Variants in B4GALT6 observed in about 807,000 individuals in gnomAD.
B4GALT6 encodes UDP-Gal:beta-GlcNAc beta-1,4-galactosyltransferase 6.
A neutral mutation model predicts 46.3 loss-of-function variants in B4GALT6; 14 were observed. The observed-to-expected ratio is 0.30, with a 90% CI of 0.20 to 0.47. The LOEUF (loss-of-function observed/expected upper bound fraction) is 0.47. Among genes scored for constraint, B4GALT6 ranks in the 20% least tolerant of loss-of-function variants. The pLI is 0.99. For missense variants in B4GALT6, 386 were observed against 480.1 expected (o/e 0.80, Z 1.83); for synonymous variants, 168 against 162.0 (o/e 1.04, Z -0.28).
intron 1 of B4GALT6, among the ~76,000 whole-genome samples, chr18:31,679,077 G>A (rs2144739823): frequency 6.6e-6 from 1 of 152,322 alleles, no homozygotes; most frequent in African/African-American, 2.4e-5. Flanking sequence ...AAACCTAGGT[G>A]AGAAGTTTCT....
chr18:31,690,540 G>A (rs891622894), upstream of B4GALT6, among the ~76,000 whole-genome samples: 1 of 151,686 alleles, frequency 6.6e-6, no homozygotes, highest in Non-Finnish European at 1.5e-5. Context: ...CACTATCTTG[G>A]CTCACTCTAA....
At chr18:31,652,296 T>C (rs754607739) in intron 3 of B4GALT6, among the ~76,000 whole-genome samples, 1 of 152,214 alleles carries the variant, frequency 6.6e-6, no homozygotes, top group African/African-American at 2.4e-5. Flanking sequence ...TCGTGCTTGC[T>C]GTGTTCTCCA....
chr18:31,684,216 T>G, intron 1 of B4GALT6, 96 bp downstream of exon 1: 1 of 1,574,496 alleles, frequency 6.4e-7, no homozygotes, highest in Non-Finnish European at 8.6e-7. Flanking sequence ...CGGGCCCCTG[T>G]TTGAACAGCT....
At chr18:31,713,268 C>T in the B4GALT6 span, among the ~76,000 whole-genome samples, 1 of 152,164 alleles carries the variant, frequency 6.6e-6, no homozygotes, top group Non-Finnish European at 1.5e-5. Flanking sequence ...GGGAGGATGG[C>T]TTGAGAACAG....
In B4GALT6 at chr18:31,625,265, T is replaced by C. The variant is rs1480660558; in HGVS notation, c.*349A>G. ...TAAACAATTTGCACACATTAATTTA[T>C]ATCACATATATACAAAATATGTTTA... On this transcript the variant is annotated 3_prime_UTR_variant, in exon 9 of 9. Transcript: ENST00000306851. 1 of 191,380 alleles carries C rather than the reference T, an allele frequency of 5.2e-6. No homozygotes were observed. Among genetic ancestry groups the C allele is most frequent in the Non-Finnish European group, 1.1e-5 (1 of 94,688 alleles). 11.9% of individuals were successfully genotyped at this position (191,380 alleles called of 1,614,324 possible).
chr18:31,647,700 GAACA>G (rs1184377830), intron 3 of B4GALT6, among the ~76,000 whole-genome samples: 4 of 152,182 alleles, frequency 2.6e-5, no homozygotes, highest in Non-Finnish European at 5.9e-5. Context: ...GAGAGAGGAA[GAACA>G]AACATTCATC....
chr18:31,674,269 G>A (rs1251937913), intron 1 of B4GALT6, among the ~76,000 whole-genome samples: 4 of 152,108 alleles, frequency 2.6e-5, no homozygotes, highest in Non-Finnish European at 4.4e-5. Flanking sequence ...AGCACAAGCC[G>A]GAGTGACTCT....
intron 6 of B4GALT6, among the ~76,000 whole-genome samples, chr18:31,628,397 A>C (rs931969406): frequency 1.3e-5 from 2 of 152,336 alleles, no homozygotes; most frequent in Admixed American, 6.5e-5. Context: ...AGATAGGGAA[A>C]CATGAATAAA....
rs1176444088 is a variant in B4GALT6 at position 31,625,634 on chromosome 18, C to T, written c.1129G>A (p.Ala377Thr). Residue 377 changes from alanine (A) to threonine (T), a missense_variant, in exon 9 of 9, where the codon GCT (alanine) becomes ACT (threonine). Physicochemically the swap from Ala to Thr is moderately conservative, Grantham distance 58 (BLOSUM62 0). This residue lies in a region of B4GALT6 where 323 missense variants were observed against 438.9 expected (regional missense o/e 0.74). Coordinates refer to ENST00000306851, the MANE Select transcript of B4GALT6 (RefSeq NM_004775.5). ...NISVNLMPEL[A>T]PIEDY ...TTCTTTTAATAGTCTTCGATTGGAG[C>T]TAACTCTGGCATGAGGTTTACAGAT... 1 of 1,613,266 alleles carries T rather than the reference C, an allele frequency of 6.2e-7. No individual in the cohort carries two copies. Among genetic ancestry groups the T allele is most frequent in the South Asian group, 1.1e-5 (1 of 90,892 alleles).
At position 31,673,628 on chromosome 18, in the gene B4GALT6, T is replaced by C. The variant is rs556474752; in HGVS notation, c.116-7256A>G. 3.3e-5 allele frequency among the ~76,000 whole-genome samples: 5 copies of C among 152,336 alleles called. No individual in the cohort carries two copies. The East Asian group carries it at 9.6e-4, about 29-fold the overall frequency. On this transcript the variant is annotated intron_variant, in intron 1 of 8. Transcript: ENST00000306851. ...ACTAACATTTACTAAGTGCTGAGTTTGGTCAGGCACTGAGCTGAAGTCCAC... is the reference window on the plus strand; with the variant it reads ...ACTAACATTTACTAAGTGCTGAGTTCGGTCAGGCACTGAGCTGAAGTCCAC...
chr18:31,663,314 A>T (rs1276587801), intron 2 of B4GALT6, among the ~76,000 whole-genome samples: 2 of 152,186 alleles, frequency 1.3e-5, no homozygotes, highest in Non-Finnish European at 2.9e-5. Context: ...GGGGGCCTCA[A>T]TTCATGTACC....
chr18:31,696,904 C>G, the B4GALT6 span, among the ~76,000 whole-genome samples: 1 of 152,136 alleles, frequency 6.6e-6, no homozygotes, highest in Non-Finnish European at 1.5e-5. Context: ...AGTCCAAGCT[C>G]GTACCACTCA....
At chr18:31,706,485 G>T in the B4GALT6 span, among the ~76,000 whole-genome samples, 23 of 152,074 alleles carry the variant, frequency 1.5e-4, no homozygotes, top group African/African-American at 4.8e-4. Flanking sequence ...ACAAAAATTA[G>T]CTGGGCGTGG....
the B4GALT6 span, chr18:31,724,233 C>A: frequency 9.6e-3 from 3,267 of 339,880 alleles, 88 homozygotes; most frequent in African/African-American, 0.066. Context: ...CCTAATGGCT[C>A]CTGCTCAGTG....
chr18:31,713,610 T>C, the B4GALT6 span, among the ~76,000 whole-genome samples: 1 of 152,258 alleles, frequency 6.6e-6, no homozygotes, highest in Non-Finnish European at 1.5e-5. Flanking sequence ...GTACTTGGCC[T>C]TTTTTTAGTT....
At chr18:31,693,215 A>G in the B4GALT6 span, among the ~76,000 whole-genome samples, 1 of 152,192 alleles carries the variant, frequency 6.6e-6, no homozygotes, top group Admixed American at 6.5e-5. Flanking sequence ...AGGCTGAGGC[A>G]GAGAACACGA....
intron 6 of B4GALT6, among the ~76,000 whole-genome samples, chr18:31,628,757 G>A (rs1004237120): frequency 2.0e-5 from 3 of 152,158 alleles, no homozygotes; most frequent in Non-Finnish European, 4.4e-5. Flanking sequence ...CATTCTCCTA[G>A]AGCTACATTC....
At chr18:31,718,284 A>G in the B4GALT6 span, among the ~76,000 whole-genome samples, 2 of 152,244 alleles carry the variant, frequency 1.3e-5, no homozygotes, top group Admixed American at 1.3e-4. Context: ...GGTAGAGGCC[A>G]GGGATGCTGC....
chr18:31,666,369 T>C lies in B4GALT6; in HGVS notation c.119A>G (p.Asn40Ser). ...AGCTTGTACCATAAAGAGATATGTGTTGGCTATAAAAGAAAAATAGAGAAA... is the reference window on the plus strand; with the variant it reads ...AGCTTGTACCATAAAGAGATATGTGCTGGCTATAAAAGAAAAATAGAGAAA... ...YFIYVAPGIA[N>S]TYLFMVQARG... The change falls in exon 2 of 9, where the codon AAC (asparagine) becomes AGC (serine). Residue 40 changes from asparagine to serine, a missense_variant. Transcript: ENST00000306851. 1.3e-6 allele frequency: 2 copies of C among 1,545,686 alleles called. No individual in the cohort carries two copies. The highest frequency in any genetic ancestry group is 2.3e-5 in the East Asian group (1 of 43,980).
Sources: gnomAD v4.1 joint callset for allele counts (sites outside exome capture counted in the v4.1 genomes callset) on GRCh38, gnomAD v4.1.1 for gene constraint, gnomAD v4.1.1 regional missense constraint, MANE v1.5 for transcripts, NCBI Gene and HGNC (gene_info 2026-07-23, HGNC 2026-07-21) for gene names.